DNAJC2: variants seen among roughly 807,000 people sequenced by gnomAD.
The protein encoded by DNAJC2 is dnaJ homolog subfamily C member 2.
DNAJC2 carries 32 observed loss-of-function variants against 94.0 expected under a neutral mutation model. That is an observed-to-expected ratio of 0.34 (90% confidence interval 0.26 to 0.46). DNAJC2 has a LOEUF of 0.46. Ranked by LOEUF, DNAJC2 falls within the 20% of genes least tolerant of loss-of-function variation. The pLI is 1.00. For missense variants in DNAJC2, 550 were observed against 719.5 expected, an observed-to-expected ratio of 0.76 and a Z score of 2.69; for synonymous variants, 210 against 229.7, an observed-to-expected ratio of 0.91 and a Z score of 0.77.
rs909435898 is a variant in DNAJC2 at position 103,313,177 on chromosome 7, C to G, written c.1637-76G>C. 3 of 1,486,158 alleles carry G rather than the reference C, an allele frequency of 2.0e-6. No individual in the cohort carries two copies. The African/African-American group carries it at 4.3e-5, about 21-fold the overall frequency. The allele number at this position is 1,486,158 out of a possible 1,614,324, so 92.1% of individuals were successfully genotyped here. The stretch of plus-strand genomic sequence containing the variant: ...ACAAGTCTTGTGGTCCACAAGTATT[C>G]GCTAAGTGCCCATTTCAATCTGGGA... On this transcript the variant is annotated intron_variant, in intron 15 of 16. Coordinates refer to ENST00000379263, the MANE Select transcript of DNAJC2 (RefSeq NM_014377.3).
Position 103,344,723 on chromosome 7 carries a change from C to G in DNAJC2, c.-101G>C. ...CTACCTCTCACTCCGAGCCTCGCGC[C>G]TTGGCTCTAAGACGCCCAGGAACCG... On this transcript the variant is annotated 5_prime_UTR_variant, in exon 1 of 17. Coordinates refer to ENST00000379263, the MANE Select transcript of DNAJC2 (RefSeq NM_014377.3). 2.3e-6 allele frequency: 3 copies of G among 1,293,216 alleles called. No individual in the cohort carries two copies. The highest frequency in any genetic ancestry group is 1.8e-5 in the Admixed American group (1 of 55,636). The allele number at this position is 1,293,216 out of a possible 1,614,324, so 80.1% of individuals were successfully genotyped here. A position where few individuals can be genotyped will look rare whatever the true frequency, so the allele number is the denominator to read the frequency against.
At chr7:103,319,197 G>A (rs575132005) in intron 12 of DNAJC2, among the ~76,000 whole-genome samples, 1 of 152,052 alleles carries the variant, frequency 6.6e-6, no homozygotes, top group Admixed American at 6.6e-5. Context: ...CCAGCACTTT[G>A]AGAAGCCTAC....
intron 2 of DNAJC2, 71 bp downstream of exon 2, chr7:103,341,693 G>A (rs1364446056): frequency 3.4e-5 from 43 of 1,267,636 alleles, no homozygotes; most frequent in Non-Finnish European, 4.7e-5. Flanking sequence ...TTTATTAATG[G>A]AAAACTCATA....
In DNAJC2 at chr7:103,338,995, G is replaced by A. The variant is rs139972247; in HGVS notation, c.256-1184C>T. Among the ~76,000 whole-genome samples, 575 of 152,158 alleles carry A rather than the reference G, an allele frequency of 3.8e-3. 4 individuals carry two copies. The highest frequency in any genetic ancestry group is 0.014 in the African/African-American group (565 of 41,500). On this transcript the variant is annotated intron_variant, in intron 2 of 16. Coordinates refer to ENST00000379263, the MANE Select transcript of DNAJC2 (RefSeq NM_014377.3). ...CTCCTTGATGATTTGTATGCACAAA[G>A]GCCTAAGAAAGGCTCTGAGAAGTCC...
intron 5 of DNAJC2, among the ~76,000 whole-genome samples, chr7:103,325,620 C>A (rs1586089517): frequency 1.3e-5 from 2 of 152,272 alleles, no homozygotes; most frequent in African/African-American, 4.8e-5. Context: ...CAGAATCTTT[C>A]CAGGTGGAAC....
At chr7:103,320,746 AATATATATATATACACATATATAT>A (rs1334899737) in intron 10 of DNAJC2, 2 of 118,348 alleles carry the variant, frequency 1.7e-5, no homozygotes, top group South Asian at 2.4e-4. Flanking sequence ...TCTGTCACAA[AATATATATATATACACATATATAT>A]ATATATATAT....
rs182193272 is a variant in DNAJC2 at position 103,338,383 on chromosome 7, G to A, written c.256-572C>T. On this transcript the variant is annotated intron_variant, in intron 2 of 16. Coordinates refer to ENST00000379263, the MANE Select transcript of DNAJC2 (RefSeq NM_014377.3). ...GCCATCTTGGCTCACTGCAACCTCC[G>A]CCTCCCGGGTTCAAGCAATTCTCCT... Among the ~76,000 whole-genome samples the A allele has an allele frequency of 1.2e-3, 176 of 149,628 alleles. 1 individual carries two copies. Among genetic ancestry groups the A allele is most frequent in the Admixed American group, 2.9e-3 (44 of 14,958 alleles).
intron 3 of DNAJC2, among the ~76,000 whole-genome samples, chr7:103,334,166 T>C (rs919261198): frequency 6.6e-6 from 1 of 152,112 alleles, no homozygotes; most frequent in Non-Finnish European, 1.5e-5. Context: ...TTAGCCAGGA[T>C]GGTCTCGATC....
chr7:103,327,674 A>G lies in DNAJC2; in HGVS notation c.412T>C (p.Phe138Leu). The G allele has an allele frequency of 1.2e-6, 2 of 1,607,286 alleles. No homozygotes were observed. Among genetic ancestry groups the G allele is most frequent in the African/African-American group, 2.7e-5 (2 of 74,878 alleles). ...TTCTTACCTTTAGTTATGCAAGTGA[A>G]GTAGTCATTATCTCCTTCTTTTATT... is the stretch of plus-strand genomic sequence containing the variant. ...EPIKEGDNDY[F>L]TCITKAYEML... The change falls in exon 4 of 17, where the codon TTC becomes CTC. Residue 138 changes from phenylalanine to leucine, a missense_variant. Transcript: ENST00000379263.
At chr7:103,322,875 A>G in intron 7 of DNAJC2, 81 bp from the exon 8 acceptor site, 1 of 1,070,616 alleles carries the variant, frequency 9.3e-7, no homozygotes, top group Admixed American at 2.1e-5. Flanking sequence ...TAAAATATTT[A>G]TATGTACATA....
At chr7:103,327,789 T>C in intron 3 of DNAJC2, 35 bp from the exon 4 acceptor site, 1 of 1,420,674 alleles carries the variant, frequency 7.0e-7, no homozygotes, top group Non-Finnish European at 9.8e-7. Flanking sequence ...AATTTGTCAC[T>C]TTAAGCACCA....
intron 15 of DNAJC2, 182 bp from the exon 16 acceptor site, chr7:103,313,283 T>C (rs984691918): frequency 7.5e-7 from 1 of 1,340,130 alleles, no homozygotes; most frequent in South Asian, 2.1e-5. Flanking sequence ...AAATTTCAGA[T>C]AGCTCACATC....
chr7:103,325,315 T>G (rs978341477), intron 5 of DNAJC2, among the ~76,000 whole-genome samples: 2 of 152,076 alleles, frequency 1.3e-5, no homozygotes, highest in African/African-American at 4.8e-5. Context: ...CAGATGCCTG[T>G]AGTCCCAGCT....
rs141090613 is a variant in DNAJC2, at chr7:103,333,443, A to G, written c.331+4293T>C. ...TATTTCTGTCTAGGCTCAAAAGAAT[A>G]TATTTAATTTCCAAGTGACTGGTAT... On this transcript the variant is annotated intron_variant, in intron 3 of 16. Coordinates refer to ENST00000379263, the MANE Select transcript of DNAJC2 (RefSeq NM_014377.3). 3.8e-3 allele frequency among the ~76,000 whole-genome samples: 573 copies of G among 152,338 alleles called. 4 individuals carry two copies. The highest frequency in any genetic ancestry group is 0.014 in the African/African-American group (564 of 41,586).
At chr7:103,324,618 CAACA>C (rs1563463971) in intron 5 of DNAJC2, 56 bp from the exon 6 acceptor site, 3 of 1,290,378 alleles carry the variant, frequency 2.3e-6, no homozygotes, top group Admixed American at 2.9e-5. Context: ...TACAACAGTT[CAACA>C]AACAATTTAA....
At chr7:103,320,830 CTTTTTTTT>C (rs745754898) in intron 10 of DNAJC2, 9 of 113,792 alleles carry the variant, frequency 7.9e-5, no homozygotes, top group South Asian at 2.6e-4. Context: ...CTCAGCATGT[CTTTTTTTT>C]TTTTTTTTTT....
intron 1 of DNAJC2, 52 bp from the exon 2 acceptor site, chr7:103,342,006 T>A: frequency 7.4e-7 from 1 of 1,351,070 alleles, no homozygotes; most frequent in Non-Finnish European, 9.9e-7. Flanking sequence ...GGAATAAATA[T>A]GTTTCAAGGC....
intron 15 of DNAJC2, chr7:103,314,528 TAAGA>T (rs781412502): frequency 9.9e-5 from 98 of 985,236 alleles, no homozygotes; most frequent in Non-Finnish European, 1.2e-4. Context: ...CAAGTCCCCC[TAAGA>T]AAGAGCTGAG....
intron 12 of DNAJC2, among the ~76,000 whole-genome samples, chr7:103,317,916 G>T (rs912334353): frequency 7.2e-5 from 11 of 151,960 alleles, no homozygotes; most frequent in Admixed American, 6.6e-4. Flanking sequence ...CTCCCAAAGT[G>T]CTCGGATTAT....
Sources: gnomAD v4.1 joint callset for allele counts (sites outside exome capture counted in the v4.1 genomes callset) on GRCh38, gnomAD v4.1.1 for gene constraint, MANE v1.5 for transcripts, NCBI Gene and HGNC (gene_info 2026-07-23, HGNC 2026-07-21) for gene names.